The following HTR3D variants were observed in gnomAD, a reference collection of about 807,000 sequenced individuals.
HTR3D encodes the protein 5-hydroxytryptamine receptor 3D.
In HTR3D, 47 loss-of-function variants were observed where a neutral mutation model predicts 45.8. The ratio of observed to expected loss-of-function variants is 1.03; its 90% CI spans 0.81 to 1.31. The LOEUF (loss-of-function observed/expected upper bound fraction) is 1.31. Among genes scored for constraint, HTR3D ranks in the 50% most tolerant of loss-of-function variants. The pLI is 0.00. For synonymous variants in HTR3D, 203 were observed against 199.8 expected, an observed-to-expected ratio of 1.02 and a Z score of -0.13; for missense variants, 448 against 506.9, an observed-to-expected ratio of 0.88 and a Z score of 1.12.
Position 184,038,193 on chromosome 3 carries a change from T to C in HTR3D, c.689T>C (p.Met230Thr), listed in dbSNP as rs374351629. ...GGCTACAGCGTCTTCCTGCTCATGA[T>C]GAATGACTTGCTCCCAGCCACTAGC... ...LLGYSVFLLM[M>T]NDLLPATSTS... Residue 230 changes from methionine (M) to threonine (T), a missense_variant, in exon 6 of 8, where the codon ATG becomes ACG. Met to Thr is a moderately conservative substitution (Grantham distance 81). Transcript: ENST00000428798. The surrounding 1 kb of genome is among the most constrained non-coding windows in gnomAD (Gnocchi z 4.5). 1.2e-6 allele frequency: 2 copies of C among 1,614,212 alleles called. No homozygotes were observed. The highest frequency in any genetic ancestry group is 2.2e-5 in the East Asian group (1 of 44,892).
In HTR3D at chr3:184,036,522, AG is replaced by A. The variant is rs1181616188; in HGVS notation, c.346del (p.Ala116ProfsTer7). On this transcript the variant is annotated frameshift_variant, in exon 4 of 8. Transcript: ENST00000428798. LOFTEE classifies it high-confidence loss of function. ...SMDRGERSPS[A>X]LSPTQVTRAW... Reference sequence around the variant, plus strand: ...TGGACAGAGGTGAACGCTCTCCTTCAGCCCTTTCACCTACACAGGTAAGTGG... The same window carrying A: ...TGGACAGAGGTGAACGCTCTCCTTCACCCTTTCACCTACACAGGTAAGTGG... 6.2e-7 allele frequency: 1 copy of A among 1,614,240 alleles called. No individual in the cohort carries two copies. The highest frequency in any genetic ancestry group is 1.1e-5 in the South Asian group (1 of 91,088).
At position 184,039,061 on chromosome 3, in the gene HTR3D, G is replaced by T. The variant is rs1723007366; in HGVS notation, c.*86G>T. ...AGTCAGGCTCTCAGTCAGCCTTGTGGCCCTGTCAACCGCCTCATTTTTAAC... is the reference window on the plus strand; with the variant it reads ...AGTCAGGCTCTCAGTCAGCCTTGTGTCCCTGTCAACCGCCTCATTTTTAAC... On this transcript the variant is annotated 3_prime_UTR_variant, in exon 8 of 8. Coordinates refer to ENST00000428798, the MANE Select transcript of HTR3D (RefSeq NM_001145143.1). 2 of 884,368 alleles carry T rather than the reference G, an allele frequency of 2.3e-6. No individual in the cohort carries two copies. The highest frequency in any genetic ancestry group is 3.1e-6 in the Non-Finnish European group (2 of 652,646). The allele number at this position is 884,368 out of a possible 1,614,324, so 54.8% of individuals were successfully genotyped here. A position where few individuals can be genotyped will look rare whatever the true frequency, so the allele number is the denominator to read the frequency against.
intron 4 of HTR3D, 38 bp from the exon 5 acceptor site, chr3:184,036,710 T>C: frequency 1.3e-6 from 2 of 1,553,002 alleles, no homozygotes; most frequent in Non-Finnish European, 1.7e-6. Context: ...TTGGGGAGGC[T>C]GAGTCTTCTG....
Position 184,031,816 on chromosome 3 carries a change from A to C in HTR3D, c.66+9A>C, listed in dbSNP as rs1030949413. On this transcript the variant is annotated intron_variant, in intron 1 of 7. Transcript: ENST00000428798. ...TCCACCTGCTGCTGCAAGTACCTTAAGATAAGAGCAAGAGCTGAGCAGACA... is the reference window on the plus strand; with the variant it reads ...TCCACCTGCTGCTGCAAGTACCTTACGATAAGAGCAAGAGCTGAGCAGACA... 8.4e-6 allele frequency: 13 copies of C among 1,547,924 alleles called. No individual in the cohort carries two copies. The highest frequency in any genetic ancestry group is 8.7e-7 in the Non-Finnish European group (1 of 1,143,664).
At position 184,039,043 on chromosome 3, in the gene HTR3D, C is replaced by CTG. The variant is rs1491447997; in HGVS notation, c.*69_*70insGT. The CTG allele has an allele frequency of 3.2e-5, 47 of 1,451,218 alleles. No homozygotes were observed. The African/African-American group carries it at 8.0e-4, about 25-fold the overall frequency. 89.9% of individuals were successfully genotyped at this position (1,451,218 alleles called of 1,614,324 possible). On this transcript the variant is annotated 3_prime_UTR_variant, in exon 8 of 8. Transcript: ENST00000428798. ...CAGAGAACTCCAGAAACCAGTCAGGCTCTCAGTCAGCCTTGTGGCCCTGTC... is the reference window on the plus strand; with the variant it reads ...CAGAGAACTCCAGAAACCAGTCAGGCTGTCTCAGTCAGCCTTGTGGCCCTGTC...
chr3:184,035,288 A>G (rs756025026), intron 2 of HTR3D, 66 bp downstream of exon 2: 195 of 1,326,016 alleles, frequency 1.5e-4, no homozygotes, highest in Non-Finnish European at 2.0e-4. Context: ...TCCTAGGTCC[A>G]GCTTTGCAGA....
intron 1 of HTR3D, among the ~76,000 whole-genome samples, chr3:184,033,809 C>A (rs912404309): frequency 2.0e-5 from 3 of 151,964 alleles, no homozygotes; most frequent in Admixed American, 1.3e-4. Context: ...CCCAGCTAGT[C>A]GGGAGGAGGA....
Position 184,038,659 on chromosome 3 carries a change from C to A in HTR3D, c.985+35C>A, listed in dbSNP as rs1383584984. 1 of 1,588,814 alleles carries A rather than the reference C, an allele frequency of 6.3e-7. No homozygotes were observed. The highest frequency in any genetic ancestry group is 2.3e-5 in the East Asian group (1 of 43,070). On this transcript the variant is annotated intron_variant, in intron 7 of 7. Coordinates refer to ENST00000428798, the MANE Select transcript of HTR3D (RefSeq NM_001145143.1). This position sits in a 1 kb window ranked among gnomAD's most constrained non-coding sequence, Gnocchi z 4.5. ...GTCATACTTCCTCTTCCCCCACCTC[C>A]ACTTCTCTGCTCCTGCCTCCTTCCC...
chr3:184,031,713 G>A (rs753695379), upstream of HTR3D: 1 of 1,509,770 alleles, frequency 6.6e-7, no homozygotes, highest in Non-Finnish European at 9.0e-7. Flanking sequence ...TCATCATCAA[G>A]TACCCAGAGA....
rs753477170 is a variant in HTR3D, at chr3:184,038,912, C to T, written c.1152C>T (p.Phe384=). Reference sequence around the variant, plus strand: ...GCCACGCGATGGACGCCCTGCTCTTCCGCCTCTACCTGCTCTTCATGGCCT... The same window carrying T: ...GCCACGCGATGGACGCCCTGCTCTTTCGCCTCTACCTGCTCTTCATGGCCT... ...QFSHAMDALL[F]RLYLLFMASS... Residue 384 remains phenylalanine, a synonymous_variant, in exon 8 of 8, where the codon TTC becomes TTT. Coordinates refer to ENST00000428798, the MANE Select transcript of HTR3D (RefSeq NM_001145143.1). The surrounding 1 kb of genome is among the most constrained non-coding windows in gnomAD (Gnocchi z 4.5). 3.1e-6 allele frequency: 5 copies of T among 1,614,064 alleles called. No homozygotes were observed. In the African/African-American group the frequency reaches 5.3e-5, roughly 17 times the overall value.
Position 184,038,835 on chromosome 3 carries a change from C to G in HTR3D, c.1075C>G (p.Arg359Gly), listed in dbSNP as rs377258381. Residue 359 changes from arginine (R) to glycine (G), a missense_variant, in exon 8 of 8, where the codon CGG becomes GGG. Transcript: ENST00000428798. This position sits in a 1 kb window ranked among gnomAD's most constrained non-coding sequence, Gnocchi z 4.5. The stretch of plus-strand genomic sequence containing the variant: ...GGGCTCAGAATGGACAAGGGCCCAG[C>G]GGGAACACGAGGCCCAGAAGCAGCA... ...TGGSEWTRAQREHEAQKQHSV... is the reference protein window; with the variant it reads ...TGGSEWTRAQGEHEAQKQHSV... The G allele has an allele frequency of 1.2e-6, 2 of 1,613,924 alleles. No homozygotes were observed. Among genetic ancestry groups the G allele is most frequent in the Admixed American group, 1.7e-5 (1 of 59,990 alleles).
At chr3:184,032,990 G>T in intron 1 of HTR3D, 1 of 1,551,942 alleles carries the variant, frequency 6.4e-7, no homozygotes, top group Non-Finnish European at 8.7e-7. Context: ...AAAGGCTATT[G>T]GTCCAGTCAC....
chr3:184,035,263 C>T (rs1722853357), intron 2 of HTR3D, 41 bp downstream of exon 2: 1 of 1,525,532 alleles, frequency 6.6e-7, no homozygotes, highest in Non-Finnish European at 8.9e-7. Flanking sequence ...ACTCTGGTGC[C>T]TCTCTTTTTT....
In HTR3D at chr3:184,038,916, C is replaced by A; in HGVS notation, c.1156C>A (p.Leu386Ile). ...SHAMDALLFR[L>I]YLLFMASSII... is the part of the protein sequence containing the mutation. ...CGCGATGGACGCCCTGCTCTTCCGC[C>A]TCTACCTGCTCTTCATGGCCTCCTC... Residue 386 changes from leucine to isoleucine, a missense_variant, in exon 8 of 8, where the codon CTC becomes ATC. By Grantham distance (5) the Leu-to-Ile change is conservative (BLOSUM62 2). Coordinates refer to ENST00000428798, the MANE Select transcript of HTR3D (RefSeq NM_001145143.1). The surrounding 1 kb of genome is among the most constrained non-coding windows in gnomAD (Gnocchi z 4.5). 2 of 1,614,214 alleles carry A rather than the reference C, an allele frequency of 1.2e-6. No individual in the cohort carries two copies. Among genetic ancestry groups the A allele is most frequent in the East Asian group, 4.5e-5 (2 of 44,878 alleles).
At chr3:184,034,260 T>C (rs73181598) in intron 1 of HTR3D, among the ~76,000 whole-genome samples, 5,673 of 152,238 alleles carry the variant, frequency 0.037, 152 homozygotes, top group Middle Eastern at 0.085. Context: ...TGGAATACTA[T>C]GCAGCCTTCA....
chr3:184,038,595 G>A lies in HTR3D; in HGVS notation c.956G>A (p.Gly319Asp). Residue 319 changes from glycine (G) to aspartate (D), a missense_variant, in exon 7 of 8, where the codon GGC becomes GAC. Gly to Asp is a moderately conservative substitution (Grantham distance 94). Coordinates refer to ENST00000428798, the MANE Select transcript of HTR3D (RefSeq NM_001145143.1). This position sits in a 1 kb window ranked among gnomAD's most constrained non-coding sequence, Gnocchi z 4.5. ...ACTGCGCCCCAGAAGGGAAATAAGG[G>A]CCCGGGTCTCACCCCCACCCACCTG... Reference protein sequence around the residue: ...CPTAPQKGNKGPGLTPTHLPG... With the variant: ...CPTAPQKGNKDPGLTPTHLPG... The A allele has an allele frequency of 6.2e-7, 1 of 1,613,916 alleles. No individual in the cohort carries two copies. The highest frequency in any genetic ancestry group is 8.5e-7 in the Non-Finnish European group (1 of 1,179,964).
In HTR3D at chr3:184,038,608, C is replaced by T. The variant is rs1275495591; in HGVS notation, c.969C>T (p.Thr323=). 9.9e-6 allele frequency: 16 copies of T among 1,613,466 alleles called. No homozygotes were observed. The African/African-American group carries it at 1.7e-4, about 17-fold the overall frequency. The change falls in exon 7 of 8, where the codon ACC becomes ACT. Residue 323 remains threonine, a synonymous_variant. Transcript: ENST00000428798. This position sits in a 1 kb window ranked among gnomAD's most constrained non-coding sequence, Gnocchi z 4.5. The part of the protein sequence containing the change: ...PQKGNKGPGL[T]PTHLPGVKEP... ...AGGGAAATAAGGGCCCGGGTCTCACCCCCACCCACCTGCCCGGTGAGGGAA... is the reference window on the plus strand; with the variant it reads ...AGGGAAATAAGGGCCCGGGTCTCACTCCCACCCACCTGCCCGGTGAGGGAA...
intron 5 of HTR3D, among the ~76,000 whole-genome samples, chr3:184,037,717 C>T (rs377548701): frequency 2.0e-5 from 3 of 152,244 alleles, no homozygotes; most frequent in East Asian, 1.9e-4. Flanking sequence ...ATAAAACACA[C>T]GCGACACCTA....
rs1337773223 is a variant in HTR3D, at chr3:184,036,831, G to A, written c.451G>A (p.Gly151Ser). The A allele has an allele frequency of 1.3e-6, 2 of 1,551,622 alleles. No homozygotes were observed. Among genetic ancestry groups the A allele is most frequent in the Non-Finnish European group, 1.7e-6 (2 of 1,146,966 alleles). The change falls in exon 5 of 8, where the codon GGT (glycine) becomes AGT (serine). Residue 151 changes from glycine (G) to serine (S), a missense_variant. By Grantham distance (56) the Gly-to-Ser change is moderately conservative. Transcript: ENST00000428798. ...FRTRREWVLLGIQKRTIKVTV... is the reference protein window; with the variant it reads ...FRTRREWVLLSIQKRTIKVTV... ...AACAAGGAGGGAGTGGGTACTGCTG[G>A]GTATCCAAAAAAGAACAATAAAGGT...
Sources: gnomAD v4.1 joint callset for allele counts (sites outside exome capture counted in the v4.1 genomes callset) on GRCh38, gnomAD v4.1.1 for gene constraint, Gnocchi (gnomAD v3.1) non-coding constraint, MANE v1.5 for transcripts, NCBI Gene and HGNC (gene_info 2026-07-23, HGNC 2026-07-21) for gene names.